The following APPBP2 variants were observed in gnomAD, a reference collection of about 807,000 sequenced individuals.
APPBP2 encodes the protein amyloid beta precursor protein binding protein 2, also known as amyloid protein-binding protein 2.
In APPBP2, 15 loss-of-function variants were observed where a neutral mutation model predicts 76.0. The observed-to-expected ratio is 0.20, with a 90% confidence interval of 0.13 to 0.30. The LOEUF (loss-of-function observed/expected upper bound fraction) is 0.30, where lower values mean the gene tolerates loss of function less well. APPBP2 is among the 10% of genes least tolerant of loss of function. The pLI is 1.00. For synonymous variants in APPBP2, 222 were observed against 242.2 expected, an observed-to-expected ratio of 0.92 and a Z score of 0.77; for missense variants, 401 against 687.2, an observed-to-expected ratio of 0.58 and a Z score of 4.66.
rs1382133890 is a variant in APPBP2, at chr17:60,500,455, G to T, written c.171C>A (p.Gly57=). 3 of 1,610,552 alleles carry T rather than the reference G, an allele frequency of 1.9e-6. No homozygotes were observed. In the African/African-American group the frequency reaches 4.0e-5, roughly 22 times the overall value. ...AAACTTCCAATTCACAAAATTCACTGCCCAGTTGACATAAGCGTCCCTGTT... is the reference window on the plus strand; with the variant it reads ...AAACTTCCAATTCACAAAATTCACTTCCCAGTTGACATAAGCGTCCCTGTT... ...LYQQGRLCQL[G]SEFCELEVFA... The change falls in exon 2 of 13, where the codon GGC becomes GGA. Residue 57 remains glycine (G), a synonymous_variant. Coordinates refer to ENST00000083182, the MANE Select transcript of APPBP2 (RefSeq NM_006380.5).
Position 60,447,337 on chromosome 17 carries a change from T to C in APPBP2, c.*244A>G, listed in dbSNP as rs1476201333. The C allele has an allele frequency of 1.3e-5, 5 of 370,832 alleles. No homozygotes were observed. Among genetic ancestry groups the C allele is most frequent in the African/African-American group, 1.0e-4 (5 of 48,000 alleles). 23.0% of individuals were successfully genotyped at this position (370,832 alleles called of 1,614,324 possible). ...AACAAAAAAAAGATTTCCTGTTGTT[T>C]GTTCTACTAGGTTGAAAATGTGGGC... On this transcript the variant is annotated 3_prime_UTR_variant, in exon 13 of 13. Coordinates refer to ENST00000083182, the MANE Select transcript of APPBP2 (RefSeq NM_006380.5).
intron 3 of APPBP2, among the ~76,000 whole-genome samples, chr17:60,481,959 C>T (rs1024259407): frequency 1.3e-5 from 2 of 152,100 alleles, no homozygotes; most frequent in Non-Finnish European, 2.9e-5. Flanking sequence ...CTCGGCTCAC[C>T]GCAACCTCCG....
intron 4 of APPBP2, among the ~76,000 whole-genome samples, chr17:60,470,894 G>A (rs1386817686): frequency 2.6e-5 from 4 of 151,408 alleles, no homozygotes; most frequent in Admixed American, 6.6e-5. Flanking sequence ...GGGTTCAAGC[G>A]ATTCTCCTGC....
At chr17:60,500,234 T>C (rs1341692144) in intron 2 of APPBP2, among the ~76,000 whole-genome samples, 165 bp downstream of exon 2, 6 of 152,018 alleles carry the variant, frequency 3.9e-5, no homozygotes, top group Admixed American at 2.0e-4. Context: ...AAGGTCTCGA[T>C]CTGACCTCGT....
intron 3 of APPBP2, among the ~76,000 whole-genome samples, chr17:60,487,051 G>A (rs1158406245): frequency 2.0e-5 from 3 of 152,194 alleles, no homozygotes; most frequent in Non-Finnish European, 4.4e-5. Flanking sequence ...TAGAGTTTCT[G>A]CTGAGAGATC....
chr17:60,459,524 A>G (rs1173536634), intron 9 of APPBP2: 1 of 120,582 alleles, frequency 8.3e-6, no homozygotes, highest in African/African-American at 3.4e-5. Flanking sequence ...ACAGAGTCTC[A>G]CTCTGTTGCC....
intron 6 of APPBP2, 55 bp downstream of exon 6, chr17:60,463,966 A>C (rs2090492843): frequency 3.1e-6 from 4 of 1,294,352 alleles, no homozygotes; most frequent in Non-Finnish European, 4.3e-6. Context: ...ATTAAAACAA[A>C]CTTAAAGCCT....
chr17:60,460,211 T>A (rs1425317506), intron 9 of APPBP2: 1 of 152,836 alleles, frequency 6.5e-6, no homozygotes, highest in East Asian at 1.9e-4. Context: ...ACTTTATTTA[T>A]TTTTGGAAAC....
rs116604899 is a variant in APPBP2, at chr17:60,462,342, C to T, written c.763-281G>A. 779 of 297,682 alleles carry T rather than the reference C, an allele frequency of 2.6e-3. 4 individuals are homozygous for T. The highest frequency in any genetic ancestry group is 0.014 in the African/African-American group (659 of 45,884). The allele number at this position is 297,682 out of a possible 1,614,324, so 18.4% of individuals were successfully genotyped here. A position where few individuals can be genotyped will look rare whatever the true frequency, so the allele number is the denominator to read the frequency against. On this transcript the variant is annotated intron_variant, in intron 6 of 12. Coordinates refer to ENST00000083182, the MANE Select transcript of APPBP2 (RefSeq NM_006380.5). ...GTTACCTTACAAAGCTGGTATACCC[C>T]CATTTTCCGCTATTATTAAAATAAA...
Position 60,456,232 on chromosome 17 carries a change from T to A in APPBP2, c.1147+64A>T, listed in dbSNP as rs181249516. 6.4e-6 allele frequency: 7 copies of A among 1,098,268 alleles called. No individual in the cohort carries two copies. In the African/African-American group the frequency reaches 1.1e-4, roughly 17 times the overall value. The allele number at this position is 1,098,268 out of a possible 1,614,324, so 68.0% of individuals were successfully genotyped here. On this transcript the variant is annotated intron_variant, in intron 10 of 12. Coordinates refer to ENST00000083182, the MANE Select transcript of APPBP2 (RefSeq NM_006380.5). ...CCAATCCTCTGAGAAAATAAACAAATACCCCTATTTTATACCATATATCAT... is the reference window on the plus strand; with the variant it reads ...CCAATCCTCTGAGAAAATAAACAAAAACCCCTATTTTATACCATATATCAT...
At chr17:60,496,722 CTTATT>C (rs138146358) in intron 2 of APPBP2, among the ~76,000 whole-genome samples, 2,870 of 152,088 alleles carry the variant, frequency 0.019, 44 homozygotes, top group Middle Eastern at 0.034. Context: ...TGTTTACTTA[CTTATT>C]TTATTTTTTT....
At chr17:60,482,969 T>C (rs1032957222) in intron 3 of APPBP2, among the ~76,000 whole-genome samples, 1 of 152,322 alleles carries the variant, frequency 6.6e-6, no homozygotes, top group South Asian at 2.1e-4. Flanking sequence ...CAGGGTCAAA[T>C]AGTATTTCTA....
chr17:60,478,029 T>C (rs1437221633), intron 4 of APPBP2, among the ~76,000 whole-genome samples: 1 of 151,840 alleles, frequency 6.6e-6, no homozygotes, highest in African/African-American at 2.4e-5. Flanking sequence ...AAAAATACAA[T>C]GGTTTTATAG....
At chr17:60,467,359 AATT>A (rs2090519419) in intron 4 of APPBP2, among the ~76,000 whole-genome samples, 1 of 152,192 alleles carries the variant, frequency 6.6e-6, no homozygotes. Context: ...TCTATACCAC[AATT>A]ATTAACAGAT....
chr17:60,452,177 A>T, intron 11 of APPBP2, 132 bp from the exon 12 acceptor site: 2 of 933,052 alleles, frequency 2.1e-6, no homozygotes, highest in Non-Finnish European at 3.2e-6. Flanking sequence ...CAAAGAACAT[A>T]CTATGTTATT....
At chr17:60,455,220 T>C (rs1214738459) in intron 10 of APPBP2, among the ~76,000 whole-genome samples, 2 of 152,142 alleles carry the variant, frequency 1.3e-5, no homozygotes, top group African/African-American at 2.4e-5. Flanking sequence ...AAATGTAATA[T>C]ATTAAGTGAA....
At chr17:60,514,693 C>T (rs1276623638) in intron 1 of APPBP2, among the ~76,000 whole-genome samples, 1 of 152,102 alleles carries the variant, frequency 6.6e-6, no homozygotes, top group Non-Finnish European at 1.5e-5. Context: ...ACACATTCAA[C>T]AAGTATTCCT....
intron 12 of APPBP2, 104 bp from the exon 13 acceptor site, chr17:60,447,938 T>C: frequency 9.2e-7 from 1 of 1,083,008 alleles, no homozygotes; most frequent in South Asian, 1.6e-5. Flanking sequence ...CAGGGTGGCT[T>C]AGGTTTATTC....
intron 12 of APPBP2, among the ~76,000 whole-genome samples, chr17:60,449,451 C>G (rs1369755329): frequency 6.6e-6 from 1 of 152,040 alleles, no homozygotes; most frequent in Admixed American, 6.6e-5. Context: ...AAAAAATTAT[C>G]CAGGTGTGGT....
Sources: gnomAD v4.1 joint callset for allele counts (sites outside exome capture counted in the v4.1 genomes callset) on GRCh38, gnomAD v4.1.1 for gene constraint, MANE v1.5 for transcripts, NCBI Gene and HGNC (gene_info 2026-07-23, HGNC 2026-07-21) for gene names.